PCDH15: variants seen among roughly 807,000 people sequenced by gnomAD.
The protein encoded by PCDH15 is protocadherin related 15, also known as protocadherin-15.
A neutral mutation model predicts 178.5 loss-of-function variants in PCDH15; 129 were observed. That is an observed-to-expected ratio of 0.72 (90% CI 0.63 to 0.84). The LOEUF (loss-of-function observed/expected upper bound fraction) is 0.84. Ranked by LOEUF, PCDH15 falls within the 40% of genes least tolerant of loss-of-function variation. PCDH15 has a pLI of 0.00. For missense variants in PCDH15, 2,230 were observed against 2,099.9 expected (o/e 1.06, Z -1.21); for synonymous variants, 800 against 732.0 (o/e 1.09, Z -1.50).
chr10:53,856,042 CAT>C (rs1435545858), intron 28 of PCDH15, among the ~76,000 whole-genome samples: 3 of 150,696 alleles, frequency 2.0e-5, no homozygotes, highest in African/African-American at 7.3e-5. Context: ...AAACAAACAT[CAT>C]ATGTTTTCAC....
chr10:53,869,175 T>C (rs1226878280), intron 26 of PCDH15, among the ~76,000 whole-genome samples: 1 of 152,184 alleles, frequency 6.6e-6, no homozygotes, highest in African/African-American at 2.4e-5. Flanking sequence ...TTATATGGCT[T>C]ACAGCATGGC....
intron 2 of PCDH15, among the ~76,000 whole-genome samples, chr10:54,620,578 T>C (rs1218547685): frequency 6.6e-6 from 1 of 152,080 alleles, no homozygotes; most frequent in East Asian, 1.9e-4. Flanking sequence ...TTTAAACCAC[T>C]GAATGGTCTC....
chr10:54,384,291 A>G (rs1354533359), intron 3 of PCDH15, among the ~76,000 whole-genome samples: 7 of 149,120 alleles, frequency 4.7e-5, no homozygotes, highest in Non-Finnish European at 8.9e-5. Context: ...CCCTAACCAA[A>G]CAATTAAATC....
intron 25 of PCDH15, among the ~76,000 whole-genome samples, chr10:53,933,761 A>G (rs2085307856): frequency 6.6e-6 from 1 of 152,106 alleles, no homozygotes; most frequent in African/African-American, 2.4e-5. Context: ...TGACTTCCAC[A>G]GTGGTTGAAC....
At chr10:54,586,232 T>A (rs1415495675) in intron 2 of PCDH15, among the ~76,000 whole-genome samples, 2 of 152,156 alleles carry the variant, frequency 1.3e-5, no homozygotes, top group Non-Finnish European at 2.9e-5. Context: ...GATTAAAAAG[T>A]GTGTCACACA....
intron 3 of PCDH15, among the ~76,000 whole-genome samples, chr10:54,424,442 A>T (rs945977937): frequency 3.3e-5 from 5 of 151,908 alleles, no homozygotes; most frequent in African/African-American, 4.9e-5. Context: ...ATTGTGGAAG[A>T]CAGTGTGGCC....
At chr10:54,202,870 T>C (rs1475016925) in intron 10 of PCDH15, among the ~76,000 whole-genome samples, 5 of 150,828 alleles carry the variant, frequency 3.3e-5, no homozygotes, top group Non-Finnish European at 7.4e-5. Flanking sequence ...TTCTCGTTCA[T>C]ATGTTGATGT....
chr10:55,404,632 T>C (rs1425202259), intron 2 of PCDH15, among the ~76,000 whole-genome samples: 1 of 151,984 alleles, frequency 6.6e-6, no homozygotes, highest in African/African-American at 2.4e-5. Context: ...ATATTGTGTA[T>C]ATCCTATTTC....
At chr10:55,036,348 A>G (rs932745398) in intron 2 of PCDH15, among the ~76,000 whole-genome samples, 2 of 152,160 alleles carry the variant, frequency 1.3e-5, no homozygotes, top group Non-Finnish European at 2.9e-5. Context: ...TAACTATTAC[A>G]CTTATTATGC....
intron 3 of PCDH15, among the ~76,000 whole-genome samples, chr10:54,883,480 G>T (rs562560784): frequency 6.6e-6 from 1 of 151,886 alleles, no homozygotes; most frequent in African/African-American, 2.4e-5. Context: ...TTTCCTCCAG[G>T]TGACATGAAA....
At chr10:55,530,991 T>C (rs575069408) in intron 2 of PCDH15, among the ~76,000 whole-genome samples, 1 of 140,714 alleles carries the variant, frequency 7.1e-6, no homozygotes, top group African/African-American at 2.7e-5. Context: ...ATTGTCAAAG[T>C]CTACAAATTA....
chr10:54,857,851 A>G (rs1953767812), intron 3 of PCDH15, among the ~76,000 whole-genome samples: 1 of 152,182 alleles, frequency 6.6e-6, no homozygotes, highest in Non-Finnish European at 1.5e-5. Flanking sequence ...ACAAATAAAA[A>G]TTATATAAAT....
chr10:55,466,582 C>T (rs1839835341), intron 2 of PCDH15, among the ~76,000 whole-genome samples: 1 of 152,074 alleles, frequency 6.6e-6, no homozygotes, highest in African/African-American at 2.4e-5. Flanking sequence ...AGTTATACAG[C>T]TAATCCCTGG....
Position 54,284,525 on chromosome 10 carries a change from C to T in PCDH15, c.876+32746G>A, listed in dbSNP as rs550715166. Among the ~76,000 whole-genome samples, 5 of 152,272 alleles carry T rather than the reference C, an allele frequency of 3.3e-5. No homozygotes were observed. In the South Asian group the frequency reaches 1.0e-3, roughly 32 times the overall value. Reference sequence around the variant, plus strand: ...AATTTTATCTGAGGAATTCGTTAGTCTATCACAGAGGTAGCTCTTTGATAC... The same window carrying T: ...AATTTTATCTGAGGAATTCGTTAGTTTATCACAGAGGTAGCTCTTTGATAC... On this transcript the variant is annotated intron_variant, in intron 8 of 37. Transcript: ENST00000644397.
intron 2 of PCDH15, among the ~76,000 whole-genome samples, chr10:54,633,044 T>C (rs1294292534): frequency 1.3e-5 from 2 of 152,136 alleles, no homozygotes; most frequent in African/African-American, 4.8e-5. Context: ...AATTCCAGTT[T>C]AGCAGATTAA....
chr10:55,276,017 T>G (rs1451188161), intron 1 of PCDH15, among the ~76,000 whole-genome samples: 1 of 151,280 alleles, frequency 6.6e-6, no homozygotes, highest in Non-Finnish European at 1.5e-5. Context: ...ATATGTATAA[T>G]GATTCTTATT....
chr10:53,995,567 C>T, intron 21 of PCDH15, 82 bp downstream of exon 21: 1 of 1,611,106 alleles, frequency 6.2e-7, no homozygotes, highest in Non-Finnish European at 8.5e-7. Flanking sequence ...ACTACTTTTG[C>T]TGTCTTGTGA....
In PCDH15 at chr10:55,154,057, C is replaced by T. The variant is rs868328728; in HGVS notation, c.-80+12519G>A. Among the ~76,000 whole-genome samples, 9 of 152,162 alleles carry T rather than the reference C, an allele frequency of 5.9e-5. No homozygotes were observed. In the East Asian group the frequency reaches 7.7e-4, roughly 13 times the overall value. ...CCATGTACACGTTCATTAAATGGGTCGCTCCTATACAATTTTCCTATTATA... is the reference window on the plus strand; with the variant it reads ...CCATGTACACGTTCATTAAATGGGTTGCTCCTATACAATTTTCCTATTATA... On this transcript the variant is annotated intron_variant, in intron 2 of 5. Coordinates refer to the PCDH15 transcript ENST00000458638.
At chr10:55,598,822 A>T (rs914797137) in intron 2 of PCDH15, among the ~76,000 whole-genome samples, 1 of 151,928 alleles carries the variant, frequency 6.6e-6, no homozygotes, top group Non-Finnish European at 1.5e-5. Flanking sequence ...TACAGAGGAG[A>T]TAAATCGTAA....
Sources: allele counts gnomAD v4.1 joint callset (sites outside exome capture counted in the v4.1 genomes callset), GRCh38; gene constraint gnomAD v4.1.1; transcripts MANE v1.5; gene names NCBI Gene and HGNC (gene_info 2026-07-23, HGNC 2026-07-21).